EPHA6: variants seen among roughly 807,000 people sequenced by gnomAD.
EPHA6 encodes ephrin type-A receptor 6.
In EPHA6, 50 loss-of-function variants were observed where a neutral mutation model predicts 112.0. The ratio of observed to expected loss-of-function variants is 0.45; its 90% CI spans 0.36 to 0.56. The LOEUF (loss-of-function observed/expected upper bound fraction) is 0.56, where lower values mean the gene tolerates loss of function less well. Ranked by LOEUF, EPHA6 falls within the 20% of genes least tolerant of loss-of-function variation. The pLI, the probability that EPHA6 is intolerant of heterozygous loss-of-function variation, is 0.00. For missense variants in EPHA6, 1,280 were observed against 1,417.4 expected, an observed-to-expected ratio of 0.90 and a Z score of 1.56; for synonymous variants, 529 against 490.7, an observed-to-expected ratio of 1.08 and a Z score of -1.03.
chr3:97,646,023 T>C (rs1038256209), intron 14 of EPHA6: 17 of 874,922 alleles, frequency 1.9e-5, no homozygotes, highest in Non-Finnish European at 2.7e-5. Flanking sequence ...AAGAAAAAAA[T>C]ATCTTTAGAA....
intron 3 of EPHA6, among the ~76,000 whole-genome samples, chr3:97,118,268 G>A (rs567086645): frequency 3.3e-5 from 5 of 151,644 alleles, no homozygotes; most frequent in East Asian, 1.9e-4. Flanking sequence ...ACCAGGACAC[G>A]TGATTGAATA....
At chr3:97,652,288 T>C (rs981402380) in intron 14 of EPHA6, among the ~76,000 whole-genome samples, 84 of 152,044 alleles carry the variant, frequency 5.5e-4, no homozygotes, top group Non-Finnish European at 1.0e-4. Flanking sequence ...ATTCCCAGTG[T>C]AAAAAGCTTC....
At chr3:97,008,990 A>G (rs932224198) in intron 3 of EPHA6, among the ~76,000 whole-genome samples, 1 of 152,098 alleles carries the variant, frequency 6.6e-6, no homozygotes, top group Non-Finnish European at 1.5e-5. Context: ...AGCAGCAAAG[A>G]TGGGTGCCTT....
At chr3:97,180,542 G>A (rs1169742929) in intron 3 of EPHA6, among the ~76,000 whole-genome samples, 1 of 152,070 alleles carries the variant, frequency 6.6e-6, no homozygotes, top group East Asian at 1.9e-4. Context: ...GTTATTCAGG[G>A]TCCAAGAGCT....
intron 15 of EPHA6, among the ~76,000 whole-genome samples, chr3:97,733,660 A>G (rs1576372355): frequency 6.6e-6 from 1 of 152,216 alleles, no homozygotes; most frequent in East Asian, 1.9e-4. Flanking sequence ...AGATGAAAAA[A>G]TTACAGTACA....
At chr3:97,495,909 CG>C in intron 10 of EPHA6, among the ~76,000 whole-genome samples, 1 of 152,198 alleles carries the variant, frequency 6.6e-6, no homozygotes, top group South Asian at 2.1e-4. Flanking sequence ...CAGTTATGGC[CG>C]TACTTTTTCC....
intron 13 of EPHA6, among the ~76,000 whole-genome samples, chr3:97,628,930 C>CTGTT (rs151308951): frequency 0.013 from 2,034 of 151,846 alleles, 52 homozygotes; most frequent in African/African-American, 0.045. Flanking sequence ...CCACCAATAA[C>CTGTT]TATTTGTTTG....
chr3:96,910,964 C>T (rs1387728711), intron 2 of EPHA6, among the ~76,000 whole-genome samples: 1 of 151,906 alleles, frequency 6.6e-6, no homozygotes, highest in Non-Finnish European at 1.5e-5. Flanking sequence ...ATTCCTGTTG[C>T]ATTTCTATTT....
intron 3 of EPHA6, among the ~76,000 whole-genome samples, chr3:97,094,026 G>A (rs2047159044): frequency 6.6e-6 from 1 of 152,100 alleles, no homozygotes; most frequent in African/African-American, 2.4e-5. Context: ...GTCATGGCCA[G>A]ATGATCCTCC....
intron 3 of EPHA6, among the ~76,000 whole-genome samples, chr3:97,181,579 A>ATG (rs1404940840): frequency 7.8e-6 from 1 of 128,982 alleles, no homozygotes; most frequent in Non-Finnish European, 1.5e-5. Flanking sequence ...AGAAGTGTAT[A>ATG]TATATATGTG....
chr3:97,088,925 A>G (rs2046983907), intron 3 of EPHA6, among the ~76,000 whole-genome samples: 1 of 152,144 alleles, frequency 6.6e-6, no homozygotes, highest in African/African-American at 2.4e-5. Flanking sequence ...AGTTTGGGAA[A>G]AGTTTGGGAA....
At chr3:96,846,715 C>T (rs978612835) in intron 1 of EPHA6, among the ~76,000 whole-genome samples, 11 of 151,934 alleles carry the variant, frequency 7.2e-5, no homozygotes, top group South Asian at 2.1e-4. Flanking sequence ...TAAGAGAGGA[C>T]TATTTACTGG....
At chr3:96,945,597 A>G in intron 2 of EPHA6, among the ~76,000 whole-genome samples, 1 of 152,214 alleles carries the variant, frequency 6.6e-6, no homozygotes, top group East Asian at 1.9e-4. Context: ...ATAACTCGAT[A>G]TTACCTATTT....
chr3:97,590,459 GT>G (rs1322810250), intron 11 of EPHA6, among the ~76,000 whole-genome samples: 1 of 152,152 alleles, frequency 6.6e-6, no homozygotes, highest in East Asian at 1.9e-4. Context: ...TCTTTTATGA[GT>G]TGACAGTTTG....
chr3:97,070,670 G>A (rs903535067), intron 3 of EPHA6, among the ~76,000 whole-genome samples: 36 of 152,214 alleles, frequency 2.4e-4, no homozygotes, highest in African/African-American at 8.4e-4. Context: ...CATGCTAGGA[G>A]CACCTTGTAT....
chr3:97,554,883 C>A (rs187257004), intron 11 of EPHA6, among the ~76,000 whole-genome samples: 1 of 151,684 alleles, frequency 6.6e-6, no homozygotes, highest in Non-Finnish European at 1.5e-5. Flanking sequence ...ACCAGGGCTG[C>A]CCAATTCCAG....
chr3:97,251,553 T>C (rs1011130524), intron 5 of EPHA6, among the ~76,000 whole-genome samples: 1 of 152,004 alleles, frequency 6.6e-6, no homozygotes, highest in South Asian at 2.1e-4. Context: ...AAAACAAAAT[T>C]ACTTTCAAAG....
intron 3 of EPHA6, among the ~76,000 whole-genome samples, chr3:97,126,897 G>GAAAAAAAA (rs11463537): frequency 7.9e-6 from 1 of 126,426 alleles, no homozygotes. Context: ...GGGAGAAGGT[G>GAAAAAAAA]AAAAAAAAAA....
In EPHA6 at chr3:97,736,068, A is replaced by G. The variant is rs1209251885; in HGVS notation, c.3078A>G (p.Lys1026=). ...CTGACATTGTCAGCTTCCTTGACAA[A>G]CTGATCCGAAATCCCAGTGCCCTTC... ...KFTDIVSFLD[K]LIRNPSALHT... The change falls in exon 16 of 18, where the codon AAA becomes AAG. Residue 1026 remains lysine, a synonymous_variant. Transcript: ENST00000389672. 1.9e-6 allele frequency: 3 copies of G among 1,612,476 alleles called. 1 individual carries two copies. The South Asian group carries it at 3.3e-5, about 18-fold the overall frequency.
Sources: allele counts gnomAD v4.1 joint callset (sites outside exome capture counted in the v4.1 genomes callset), GRCh38; gene constraint gnomAD v4.1.1; transcripts MANE v1.5; gene names NCBI Gene and HGNC (gene_info 2026-07-23, HGNC 2026-07-21).